The following ACTR2 variants were observed in gnomAD, a reference collection of about 807,000 sequenced individuals.
ACTR2 encodes the protein actin related protein 2.
A neutral mutation model predicts 50.2 loss-of-function variants in ACTR2; 5 were observed. The ratio of observed to expected loss-of-function variants is 0.10; its 90% CI spans 0.05 to 0.21. The LOEUF (loss-of-function observed/expected upper bound fraction) is 0.21. ACTR2 is among the 10% of genes least tolerant of loss of function. The pLI is 1.00. For synonymous variants in ACTR2, 140 were observed against 162.9 expected (o/e 0.86, Z 1.07); for missense variants, 180 against 480.6 (o/e 0.37, Z 5.85).
intron 1 of ACTR2, among the ~76,000 whole-genome samples, chr2:65,235,485 C>T (rs1047446456): frequency 1.3e-5 from 2 of 152,044 alleles, no homozygotes; most frequent in Non-Finnish European, 2.9e-5. Flanking sequence ...GGCTGGGTGC[C>T]GTGGCTCACG....
chr2:65,260,129 G>T (rs1299562183), intron 6 of ACTR2, among the ~76,000 whole-genome samples: 2 of 152,174 alleles, frequency 1.3e-5, no homozygotes, highest in Admixed American at 6.5e-5. Flanking sequence ...TAAATGATTT[G>T]ATAGAAGTGG....
chr2:65,229,265 A>T (rs1009279465), intron 1 of ACTR2, among the ~76,000 whole-genome samples: 1 of 152,152 alleles, frequency 6.6e-6, no homozygotes, highest in Non-Finnish European at 1.5e-5. Flanking sequence ...CCTCCCTCCC[A>T]TAAATATGAT....
At chr2:65,260,285 A>G (rs1672243100) in intron 6 of ACTR2, among the ~76,000 whole-genome samples, 1 of 152,250 alleles carries the variant, frequency 6.6e-6, no homozygotes, top group Non-Finnish European at 1.5e-5. Context: ...AGGCGAGCAG[A>G]TCACCTGAGG....
At position 65,260,156 on chromosome 2, in the gene ACTR2, T is replaced by A. The variant is rs536623848; in HGVS notation, c.736-1091T>A. Among the ~76,000 whole-genome samples, 4 of 152,360 alleles carry A rather than the reference T, an allele frequency of 2.6e-5. 1 individual carries two copies. The highest frequency in any genetic ancestry group is 6.5e-5 in the Admixed American group (1 of 15,306). On this transcript the variant is annotated intron_variant, in intron 6 of 8. Coordinates refer to ENST00000260641, the MANE Select transcript of ACTR2 (RefSeq NM_005722.4). ...TAGAAGTGGTACACATGTTATAAAG[T>A]ATTTTGGCAAAATAATAGTTTCACA...
chr2:65,254,397 A>G (rs974391750), intron 5 of ACTR2, among the ~76,000 whole-genome samples: 2 of 152,192 alleles, frequency 1.3e-5, no homozygotes, highest in African/African-American at 4.8e-5. Context: ...GCAGTTTTTA[A>G]TATTTACTAT....
At chr2:65,257,131 T>G (rs758682205) in intron 6 of ACTR2, among the ~76,000 whole-genome samples, 9 of 151,176 alleles carry the variant, frequency 6.0e-5, no homozygotes, top group Non-Finnish European at 1.0e-4. Context: ...CCCATGTGTG[T>G]TGTTCCCCTC....
intron 8 of ACTR2, among the ~76,000 whole-genome samples, chr2:65,267,485 G>A (rs1038516972): frequency 6.6e-6 from 1 of 152,164 alleles, no homozygotes; most frequent in Non-Finnish European, 1.5e-5. Flanking sequence ...GATTTAGAAT[G>A]ACATAGTTAC....
At chr2:65,250,600 G>A (rs1352938706) in intron 3 of ACTR2, among the ~76,000 whole-genome samples, 1 of 147,384 alleles carries the variant, frequency 6.8e-6, no homozygotes, top group Non-Finnish European at 1.5e-5. Context: ...TTGAACCCTG[G>A]AGGTGGAGGT....
At chr2:65,239,623 C>T (rs947920033) in intron 1 of ACTR2, among the ~76,000 whole-genome samples, 3 of 152,156 alleles carry the variant, frequency 2.0e-5, no homozygotes, top group African/African-American at 4.8e-5. Context: ...AGTGAGGGAA[C>T]TTAGGCACTA....
intron 1 of ACTR2, among the ~76,000 whole-genome samples, chr2:65,238,765 C>G (rs546979137): frequency 6.6e-6 from 1 of 151,336 alleles, no homozygotes; most frequent in African/African-American, 2.4e-5. Context: ...GTCAGGAGTT[C>G]GAAACCAGCA....
intron 1 of ACTR2, among the ~76,000 whole-genome samples, chr2:65,233,231 G>A (rs1440383388): frequency 6.6e-6 from 1 of 152,062 alleles, no homozygotes; most frequent in Non-Finnish European, 1.5e-5. Context: ...CTGACGTCAG[G>A]TGATCTGCCT....
At chr2:65,231,022 C>G (rs1045694898) in intron 1 of ACTR2, among the ~76,000 whole-genome samples, 1 of 151,332 alleles carries the variant, frequency 6.6e-6, no homozygotes, top group Non-Finnish European at 1.5e-5. Context: ...CCACTGCACT[C>G]CAGCCTGGGC....
At chr2:65,259,632 G>A (rs1672225419) in intron 6 of ACTR2, among the ~76,000 whole-genome samples, 1 of 152,156 alleles carries the variant, frequency 6.6e-6, no homozygotes, top group South Asian at 2.1e-4. Flanking sequence ...GGGGGGCTGA[G>A]GTATGAGAAT....
At chr2:65,255,429 A>G (rs1672132046) in intron 5 of ACTR2, 116 bp from the exon 6 acceptor site, 2 of 816,596 alleles carry the variant, frequency 2.4e-6, no homozygotes, top group Non-Finnish European at 3.7e-6. Flanking sequence ...GGAGCTGAGG[A>G]TCCACTGCCC....
chr2:65,235,931 CAT>C (rs1671731286), intron 1 of ACTR2, among the ~76,000 whole-genome samples: 2 of 152,008 alleles, frequency 1.3e-5, no homozygotes, highest in Admixed American at 1.3e-4. Flanking sequence ...AAAATGTAAA[CAT>C]GAGGTGAAAG....
chr2:65,261,498 T>G, intron 7 of ACTR2, 106 bp downstream of exon 7: 2 of 1,111,688 alleles, frequency 1.8e-6, no homozygotes, highest in Non-Finnish European at 2.5e-6. Flanking sequence ...TGACTAAGTT[T>G]ATAAACTTAC....
At chr2:65,266,726 G>C (rs537205732) in intron 8 of ACTR2, among the ~76,000 whole-genome samples, 10 of 152,146 alleles carry the variant, frequency 6.6e-5, no homozygotes, top group Non-Finnish European at 1.5e-4. Flanking sequence ...TTTTAGAATA[G>C]AGGAGGAGGT....
chr2:65,233,187 G>T (rs1423292503), intron 1 of ACTR2, among the ~76,000 whole-genome samples: 1 of 151,882 alleles, frequency 6.6e-6, no homozygotes, highest in Non-Finnish European at 1.5e-5. Flanking sequence ...TAGAGATGTG[G>T]TTTCTCCATG....
intron 6 of ACTR2, among the ~76,000 whole-genome samples, chr2:65,256,251 C>G (rs1030578840): frequency 6.6e-6 from 1 of 152,158 alleles, no homozygotes; most frequent in African/African-American, 2.4e-5. Flanking sequence ...TTTACTAATT[C>G]AGTAGGTGGC....
Sources: allele counts gnomAD v4.1 joint callset (sites outside exome capture counted in the v4.1 genomes callset), GRCh38; gene constraint gnomAD v4.1.1; transcripts MANE v1.5; gene names NCBI Gene and HGNC (gene_info 2026-07-23, HGNC 2026-07-21).